The following ZNF722 variants were observed in gnomAD, a reference collection of about 807,000 sequenced individuals.
ZNF722 encodes the protein zinc finger protein 722.
chr7:64,001,378 A>C, the ZNF722 span, among the ~76,000 whole-genome samples: 3 of 152,180 alleles, frequency 2.0e-5, no homozygotes, highest in Admixed American at 2.0e-4. Flanking sequence ...GTTTTCTAAA[A>C]ATAGCAGTCT....
At chr7:64,006,205 T>C in the ZNF722 span, 1 of 1,178,986 alleles carries the variant, frequency 8.5e-7, no homozygotes, top group Non-Finnish European at 1.2e-6. Context: ...TATCTTACTT[T>C]TTTTTCTTAA....
the ZNF722 span, chr7:64,005,490 A>T: frequency 5.0e-6 from 3 of 596,930 alleles, no homozygotes; most frequent in Non-Finnish European, 6.0e-6. Flanking sequence ...AGTCAGTCTT[A>T]TAAGTGAGAA....
chr7:64,007,236 A>G, the ZNF722 span, among the ~76,000 whole-genome samples: 2,491 of 100,302 alleles, frequency 0.025, 35 homozygotes, highest in Admixed American at 0.041. Context: ...GTGTGTATAT[A>G]TATATATATA....
At chr7:64,005,623 A>T in the ZNF722 span, 1 of 1,196,834 alleles carries the variant, frequency 8.4e-7, no homozygotes, top group South Asian at 1.2e-5. Context: ...GACTGTTGAC[A>T]TTCAGAGACA....
At chr7:64,004,052 A>G in the ZNF722 span, among the ~76,000 whole-genome samples, 1 of 152,142 alleles carries the variant, frequency 6.6e-6, no homozygotes, top group East Asian at 1.9e-4. Flanking sequence ...TAAAAATTAC[A>G]GAACAGGGAA....
At chr7:64,007,584 T>G in the ZNF722 span, among the ~76,000 whole-genome samples, 1 of 152,204 alleles carries the variant, frequency 6.6e-6, no homozygotes, top group Non-Finnish European at 1.5e-5. Context: ...TCCTTTTTTA[T>G]GGCTGCATAG....
the ZNF722 span, among the ~76,000 whole-genome samples, chr7:64,000,999 A>C: frequency 6.6e-6 from 1 of 151,428 alleles, no homozygotes. Flanking sequence ...TTGGTCTTGA[A>C]CTTTTGGCCT....
the ZNF722 span, chr7:64,015,844 A>C: frequency 6.2e-7 from 1 of 1,601,200 alleles, no homozygotes. Context: ...GAATGTGACA[A>C]AGCTTTTAAG....
the ZNF722 span, among the ~76,000 whole-genome samples, chr7:64,012,166 A>G: frequency 2.0e-5 from 3 of 152,172 alleles, no homozygotes; most frequent in Middle Eastern, 3.4e-3. Context: ...CTAGTTAGCC[A>G]TTCATCTAAT....
the ZNF722 span, among the ~76,000 whole-genome samples, chr7:64,008,644 T>G: frequency 9.9e-3 from 1,501 of 152,324 alleles, 13 homozygotes; most frequent in Non-Finnish European, 0.015. Flanking sequence ...TTGGTTACTG[T>G]AGCCTTGTAG....
chr7:63,999,487 G>C, the ZNF722 span, among the ~76,000 whole-genome samples: 1 of 152,148 alleles, frequency 6.6e-6, no homozygotes, highest in African/African-American at 2.4e-5. Flanking sequence ...TGTGGGTTGT[G>C]ATCCATGGGA....
chr7:64,006,232 G>A, the ZNF722 span: 2 of 1,273,436 alleles, frequency 1.6e-6, no homozygotes, highest in South Asian at 1.5e-5. Context: ...AGGTATTGCT[G>A]ACTCTAAGCC....
the ZNF722 span, chr7:64,006,367 A>G: frequency 1.0e-5 from 12 of 1,152,056 alleles, no homozygotes; most frequent in Admixed American, 2.5e-5. Flanking sequence ...AGATACACAA[A>G]TCAACAAGGC....
the ZNF722 span, chr7:63,999,086 C>T: frequency 4.2e-6 from 6 of 1,434,620 alleles, no homozygotes; most frequent in East Asian, 6.9e-5. Flanking sequence ...CAAACTTCCT[C>T]GCAGTCAGCT....
At chr7:64,013,857 G>A in the ZNF722 span, among the ~76,000 whole-genome samples, 1 of 151,930 alleles carries the variant, frequency 6.6e-6, no homozygotes, top group Non-Finnish European at 1.5e-5. Flanking sequence ...GTTTATTCTG[G>A]AAGATCTTTA....
At chr7:63,998,870 C>T in the ZNF722 span, 35 of 1,410,856 alleles carry the variant, frequency 2.5e-5, no homozygotes, top group South Asian at 3.7e-4. Context: ...CTCTGCGTCC[C>T]GAGCTCCAGT....
chr7:64,004,093 T>G, the ZNF722 span, among the ~76,000 whole-genome samples: 4 of 152,142 alleles, frequency 2.6e-5, no homozygotes, highest in African/African-American at 9.6e-5. Flanking sequence ...TGCATAAAAC[T>G]GATGGTTTCT....
chr7:64,002,690 GCA>G, the ZNF722 span, among the ~76,000 whole-genome samples: 1 of 152,140 alleles, frequency 6.6e-6, no homozygotes, highest in Non-Finnish European at 1.5e-5. Flanking sequence ...GTTATTCCCA[GCA>G]CAGTGTTCTG....
chr7:64,004,037 A>G, the ZNF722 span, among the ~76,000 whole-genome samples: 1 of 152,278 alleles, frequency 6.6e-6, no homozygotes, highest in East Asian at 1.9e-4. Flanking sequence ...ACTTAAAATT[A>G]CTATTAAAAA....
Sources: allele counts gnomAD v4.1 joint callset (sites outside exome capture counted in the v4.1 genomes callset), GRCh38; gene constraint gnomAD v4.1.1; transcripts MANE v1.5; gene names NCBI Gene and HGNC (gene_info 2026-07-23, HGNC 2026-07-21).